Variants in PPARGC1A observed in about 807,000 individuals in gnomAD.
PPARGC1A encodes the protein PPARG coactivator 1 alpha, also known as peroxisome proliferator-activated receptor gamma coactivator 1-alpha.
A neutral mutation model predicts 88.7 loss-of-function variants in PPARGC1A; 25 were observed. The observed-to-expected ratio is 0.28, with a 90% CI of 0.21 to 0.39. The LOEUF (loss-of-function observed/expected upper bound fraction) is 0.39, where lower values mean the gene tolerates loss of function less well. PPARGC1A is among the 10% of genes least tolerant of loss of function. PPARGC1A has a pLI of 1.00. For synonymous variants in PPARGC1A, 363 were observed against 355.6 expected, an observed-to-expected ratio of 1.02 and a Z score of -0.24; for missense variants, 880 against 968.7, an observed-to-expected ratio of 0.91 and a Z score of 1.22.
At chr4:24,409,425 A>G in the PPARGC1A span, among the ~76,000 whole-genome samples, 2 of 152,174 alleles carry the variant, frequency 1.3e-5, no homozygotes, top group African/African-American at 2.4e-5. Context: ...TCACTGCTTT[A>G]TGTGCAAAGA....
At chr4:24,069,989 A>G in the PPARGC1A span, among the ~76,000 whole-genome samples, 1 of 152,156 alleles carries the variant, frequency 6.6e-6, no homozygotes, top group Non-Finnish European at 1.5e-5. Context: ...TAGTTCTACC[A>G]CTTTCTACCA....
the PPARGC1A span, among the ~76,000 whole-genome samples, chr4:24,006,220 TG>T: frequency 1.3e-5 from 2 of 152,154 alleles, no homozygotes; most frequent in East Asian, 3.9e-4. Context: ...GGCTAATTTT[TG>T]TATTTTTAGT....
At chr4:24,377,524 C>T in the PPARGC1A span, among the ~76,000 whole-genome samples, 4 of 152,094 alleles carry the variant, frequency 2.6e-5, no homozygotes, top group South Asian at 2.1e-4. Flanking sequence ...GCCTGATTCT[C>T]GGTTCCTGTT....
At chr4:24,239,390 G>A in the PPARGC1A span, among the ~76,000 whole-genome samples, 4 of 152,212 alleles carry the variant, frequency 2.6e-5, no homozygotes, top group Non-Finnish European at 5.9e-5. Context: ...AGCTTCCCAA[G>A]CATGCTTTAA....
the PPARGC1A span, among the ~76,000 whole-genome samples, chr4:24,133,258 C>G: frequency 6.6e-6 from 1 of 152,118 alleles, no homozygotes; most frequent in South Asian, 2.1e-4. Context: ...CATCTGAATG[C>G]AGATTTAAAG....
chr4:23,922,623 T>C, the PPARGC1A span, among the ~76,000 whole-genome samples: 1 of 152,250 alleles, frequency 6.6e-6, no homozygotes, highest in Non-Finnish European at 1.5e-5. Context: ...CGGAGGTTTC[T>C]GCTGGCATCT....
chr4:24,099,893 C>T, the PPARGC1A span, among the ~76,000 whole-genome samples: 1 of 143,672 alleles, frequency 7.0e-6, no homozygotes, highest in Non-Finnish European at 1.5e-5. Context: ...AGACCAGCAT[C>T]ACTTAGGAGC....
At chr4:24,101,711 C>G in the PPARGC1A span, among the ~76,000 whole-genome samples, 1 of 152,178 alleles carries the variant, frequency 6.6e-6, no homozygotes, top group Non-Finnish European at 1.5e-5. Context: ...CATAGATACA[C>G]CCAGTGCTGT....
the PPARGC1A span, among the ~76,000 whole-genome samples, chr4:23,961,358 A>G: frequency 4.6e-5 from 7 of 152,268 alleles, no homozygotes; most frequent in South Asian, 1.5e-3. Flanking sequence ...AAAACAAATG[A>G]TATGATTTAT....
At chr4:24,264,913 AAAC>A in the PPARGC1A span, among the ~76,000 whole-genome samples, 1 of 152,242 alleles carries the variant, frequency 6.6e-6, no homozygotes, top group African/African-American at 2.4e-5. Context: ...TAAGTTTTAG[AAAC>A]AACAAAGAAG....
chr4:24,422,628 G>GAA, the PPARGC1A span, among the ~76,000 whole-genome samples: 2 of 116,132 alleles, frequency 1.7e-5, no homozygotes, highest in Non-Finnish European at 2.0e-5. Flanking sequence ...CTTTAAAAAT[G>GAA]AAAAAAAAAA....
the PPARGC1A span, among the ~76,000 whole-genome samples, chr4:24,106,692 C>T: frequency 6.6e-6 from 1 of 152,210 alleles, no homozygotes; most frequent in African/African-American, 2.4e-5. Flanking sequence ...CTTTGAATCT[C>T]AGCTGCCTTG....
At chr4:24,151,421 A>C in the PPARGC1A span, among the ~76,000 whole-genome samples, 5 of 152,110 alleles carry the variant, frequency 3.3e-5, no homozygotes, top group African/African-American at 1.2e-4. Flanking sequence ...GCATCTCGTC[A>C]TGAAGGCCCT....
At chr4:24,430,415 G>A in the PPARGC1A span, among the ~76,000 whole-genome samples, 61 of 151,518 alleles carry the variant, frequency 4.0e-4, no homozygotes, top group South Asian at 2.5e-3. Context: ...CCGCCACCAC[G>A]CCCGGCTAAT....
chr4:24,148,345 C>T, the PPARGC1A span, among the ~76,000 whole-genome samples: 2 of 152,122 alleles, frequency 1.3e-5, no homozygotes, highest in Admixed American at 6.6e-5. Flanking sequence ...CCTTCATGGT[C>T]CTGCTCTAAT....
At chr4:23,945,544 C>T in the PPARGC1A span, among the ~76,000 whole-genome samples, 4 of 152,020 alleles carry the variant, frequency 2.6e-5, no homozygotes, top group African/African-American at 9.7e-5. Context: ...ATCATGAGGA[C>T]AGAATTTGAG....
At chr4:24,064,244 G>A in the PPARGC1A span, among the ~76,000 whole-genome samples, 2 of 152,150 alleles carry the variant, frequency 1.3e-5, no homozygotes, top group Non-Finnish European at 2.9e-5. Context: ...TGGTAATAAC[G>A]AAGAGGGGAG....
chr4:23,806,773 T>A (rs904936746), intron 10 of PPARGC1A, among the ~76,000 whole-genome samples: 3 of 151,984 alleles, frequency 2.0e-5, no homozygotes, highest in Non-Finnish European at 4.4e-5. Flanking sequence ...TCAAAAAGAG[T>A]CTAGAGCTTC....
chr4:23,986,369 T>C, the PPARGC1A span, among the ~76,000 whole-genome samples: 1 of 152,090 alleles, frequency 6.6e-6, no homozygotes, highest in East Asian at 1.9e-4. Context: ...TTGACTCAGG[T>C]TCTCAAATTA....
Sources: allele counts gnomAD v4.1 joint callset (sites outside exome capture counted in the v4.1 genomes callset), GRCh38; gene constraint gnomAD v4.1.1; transcripts MANE v1.5; gene names NCBI Gene and HGNC (gene_info 2026-07-23, HGNC 2026-07-21).